The following PTPN3 variants were observed in gnomAD, a reference collection of about 807,000 sequenced individuals.
PTPN3 encodes the protein protein tyrosine phosphatase non-receptor type 3.
PTPN3 carries 96 observed loss-of-function variants against 132.7 expected under a neutral mutation model. That is an observed-to-expected ratio of 0.72 (90% CI 0.61 to 0.86). The LOEUF (loss-of-function observed/expected upper bound fraction) is 0.86, where lower values mean the gene tolerates loss of function less well. Ranked by LOEUF, PTPN3 falls within the 40% of genes least tolerant of loss-of-function variation. The pLI, the probability that PTPN3 is intolerant of heterozygous loss-of-function variation, is 0.00. For synonymous variants in PTPN3, 398 were observed against 429.0 expected, an observed-to-expected ratio of 0.93 and a Z score of 0.89; for missense variants, 1,125 against 1,159.6, an observed-to-expected ratio of 0.97 and a Z score of 0.43.
chr9:109,398,955 C>T (rs1287757832), intron 19 of PTPN3, among the ~76,000 whole-genome samples: 2 of 152,198 alleles, frequency 1.3e-5, no homozygotes, highest in East Asian at 3.9e-4. Context: ...CCCAATTCTG[C>T]TCCTTTACAT....
intron 5 of PTPN3, among the ~76,000 whole-genome samples, chr9:109,452,884 T>C (rs539455357): frequency 2.4e-4 from 36 of 152,180 alleles, no homozygotes; most frequent in Non-Finnish European, 5.0e-4. Flanking sequence ...TATTTAGTAC[T>C]GGCCTGAGGA....
At chr9:109,390,225 G>A (rs1289854677) in intron 21 of PTPN3, among the ~76,000 whole-genome samples, 1 of 152,190 alleles carries the variant, frequency 6.6e-6, no homozygotes, top group African/African-American at 2.4e-5. Flanking sequence ...TTTGGAACAG[G>A]TGGAATCACT....
At chr9:109,534,119 C>T in the PTPN3 span, 8 of 789,274 alleles carry the variant, frequency 1.0e-5, no homozygotes, top group Non-Finnish European at 1.9e-5. Flanking sequence ...AAAGCATATC[C>T]GTTCCTTAAG....
At chr9:109,449,483 T>C in intron 5 of PTPN3, 7 of 985,476 alleles carry the variant, frequency 7.1e-6, no homozygotes, top group Non-Finnish European at 8.4e-6. Context: ...AACCAGCAAA[T>C]GTAACTTCCA....
chr9:109,513,750 C>T, the PTPN3 span, among the ~76,000 whole-genome samples: 3 of 152,130 alleles, frequency 2.0e-5, no homozygotes, highest in Non-Finnish European at 4.4e-5. Flanking sequence ...TTTCTGCTTT[C>T]TGTGCAGAGA....
chr9:109,533,267 C>T, the PTPN3 span, among the ~76,000 whole-genome samples: 3 of 150,840 alleles, frequency 2.0e-5, no homozygotes, highest in Admixed American at 6.6e-5. Flanking sequence ...GCCTCAGCCT[C>T]CCGAGTAGCT....
Position 109,404,616 on chromosome 9 carries a change from G to A in PTPN3, c.1793-8C>T, listed in dbSNP as rs773936049. 12 of 1,472,328 alleles carry A rather than the reference G, an allele frequency of 8.2e-6. No homozygotes were observed. The highest frequency in any genetic ancestry group is 5.7e-5 in the Admixed American group (3 of 52,602). 91.2% of individuals were successfully genotyped at this position (1,472,328 alleles called of 1,614,324 possible). A position where few individuals can be genotyped will look rare whatever the true frequency, so the allele number is the denominator to read the frequency against. ...CAGCAAATGAGCGGACAGCTGTAAC[G>A]TACAAGACAGTGCATCTGACTTGTG... On this transcript the variant is annotated splice_polypyrimidine_tract_variant and splice_region_variant and intron_variant, in intron 18 of 25. Coordinates refer to ENST00000374541, the MANE Select transcript of PTPN3 (RefSeq NM_002829.4).
At chr9:109,412,340 T>G (rs1011869006) in intron 14 of PTPN3, among the ~76,000 whole-genome samples, 2 of 152,056 alleles carry the variant, frequency 1.3e-5, no homozygotes, top group Non-Finnish European at 2.9e-5. Context: ...CTTGAGTAGC[T>G]GGGACCACAG....
intron 1 of PTPN3, among the ~76,000 whole-genome samples, 197 bp from the exon 2 acceptor site, chr9:109,463,648 C>T (rs766371875): frequency 5.3e-5 from 8 of 152,158 alleles, no homozygotes; most frequent in African/African-American, 9.7e-5. Flanking sequence ...CTAAATTGTA[C>T]GTTCACAGAA....
chr9:109,516,694 T>C, the PTPN3 span, among the ~76,000 whole-genome samples: 5 of 152,184 alleles, frequency 3.3e-5, no homozygotes, highest in Non-Finnish European at 7.3e-5. Flanking sequence ...ATTTTGCTTA[T>C]TTAAAAGACC....
At chr9:109,508,608 C>G in the PTPN3 span, among the ~76,000 whole-genome samples, 3 of 152,202 alleles carry the variant, frequency 2.0e-5, no homozygotes, top group South Asian at 6.2e-4. Context: ...GTGCCCCTTA[C>G]AAAAAAATTG....
intron 19 of PTPN3, among the ~76,000 whole-genome samples, chr9:109,395,694 G>C (rs1840519162): frequency 6.6e-6 from 1 of 152,056 alleles, no homozygotes; most frequent in Non-Finnish European, 1.5e-5. Context: ...GGCTGAGGTG[G>C]GAGGATTGCT....
At chr9:109,501,799 G>A (rs1220059472), upstream of PTPN3, among the ~76,000 whole-genome samples, 1 of 152,218 alleles carries the variant, frequency 6.6e-6, no homozygotes, top group Non-Finnish European at 1.5e-5. Context: ...TCACTTTGGA[G>A]GCAGGATCAC....
chr9:109,382,181 GA>G (rs1839159440), intron 24 of PTPN3, 120 bp downstream of exon 24: 2 of 1,240,136 alleles, frequency 1.6e-6, no homozygotes, highest in Admixed American at 5.1e-5. Flanking sequence ...ACAGTCAACA[GA>G]GGTTTGTAAG....
rs369702237 is a variant in PTPN3, at chr9:109,433,054, G to A, written c.764+19C>T. On this transcript the variant is annotated intron_variant, in intron 10 of 25. Coordinates refer to ENST00000374541, the MANE Select transcript of PTPN3 (RefSeq NM_002829.4). ...TTTAAAGCATGATTCAGAAAATAAT[G>A]AGAACTGTTTGCACTTACCAAGGAT... The A allele has an allele frequency of 5.0e-6, 8 of 1,611,858 alleles. No individual in the cohort carries two copies. The African/African-American group carries it at 9.3e-5, about 19-fold the overall frequency.
At chr9:109,497,028 G>A (rs369500050) in intron 1 of PTPN3, among the ~76,000 whole-genome samples, 1 of 152,156 alleles carries the variant, frequency 6.6e-6, no homozygotes, top group African/African-American at 2.4e-5. Flanking sequence ...CAGCTCTTTT[G>A]TAAGTGAAGC....
rs113342231 is a variant in PTPN3 at position 109,488,023 on chromosome 9, T to A, written c.-18+10196A>T. Among the ~76,000 whole-genome samples the A allele has an allele frequency of 5.8e-3, 889 of 152,042 alleles. 16 individuals carry two copies. The highest frequency in any genetic ancestry group is 0.02 in the African/African-American group (849 of 41,442). ...TTCTGACACTGTGTGACATGCTCTGTCCTGTAAAAAGTGACCCCAAACGAA... is the reference window on the plus strand; with the variant it reads ...TTCTGACACTGTGTGACATGCTCTGACCTGTAAAAAGTGACCCCAAACGAA... On this transcript the variant is annotated intron_variant, in intron 1 of 25. Coordinates refer to ENST00000374541, the MANE Select transcript of PTPN3 (RefSeq NM_002829.4).
intron 19 of PTPN3, among the ~76,000 whole-genome samples, chr9:109,403,675 AT>A (rs1841331238): frequency 6.6e-6 from 1 of 152,222 alleles, no homozygotes; most frequent in Non-Finnish European, 1.5e-5. Flanking sequence ...CCCTGTCTCT[AT>A]TTTAAACAAC....
chr9:109,419,363 T>C (rs1842739109), intron 14 of PTPN3, among the ~76,000 whole-genome samples: 1 of 152,168 alleles, frequency 6.6e-6, no homozygotes, highest in African/African-American at 2.4e-5. Context: ...GCTACAGTGG[T>C]AAAAAATTTA....
Sources: allele counts gnomAD v4.1 joint callset (sites outside exome capture counted in the v4.1 genomes callset), GRCh38; gene constraint gnomAD v4.1.1; transcripts MANE v1.5; gene names NCBI Gene and HGNC (gene_info 2026-07-23, HGNC 2026-07-21).